The following NBPF8 variants were observed in gnomAD, a reference collection of about 807,000 sequenced individuals.
NBPF8 encodes NBPF member 8.
At chr1:120,450,225 AAAT>A (rs1262795958) in intron 11 of NBPF8, among the ~76,000 whole-genome samples, 11 of 151,968 alleles carry the variant, frequency 7.2e-5, no homozygotes, top group Admixed American at 2.6e-4. Flanking sequence ...AGACTGTTAA[AAAT>A]AATAATAATA....
At chr1:120,419,396 C>T (rs1212787700), upstream of NBPF8, among the ~76,000 whole-genome samples, 1 of 152,100 alleles carries the variant, frequency 6.6e-6, no homozygotes, top group Non-Finnish European at 1.5e-5. Context: ...AATTCCCTAA[C>T]AGAAAGAATC....
upstream of NBPF8, chr1:120,433,323 A>G (rs2101587843): frequency 6.5e-6 from 1 of 152,802 alleles, no homozygotes; most frequent in South Asian, 2.1e-4. Context: ...TTAAAACAGT[A>G]GTAATGGTGT....
chr1:120,450,745 T>G (rs1661243977), intron 11 of NBPF8, among the ~76,000 whole-genome samples: 2 of 152,174 alleles, frequency 1.3e-5, no homozygotes, highest in African/African-American at 4.8e-5. Flanking sequence ...TTCGCATACT[T>G]GTCCTTGAAA....
intron 15 of NBPF8, among the ~76,000 whole-genome samples, chr1:120,454,913 C>G (rs1661394806): frequency 6.8e-6 from 1 of 146,106 alleles, no homozygotes; most frequent in African/African-American, 2.6e-5. Flanking sequence ...CAGGGTTTCC[C>G]CATGTTGGCC....
At chr1:120,432,567 G>A (rs1362197662), upstream of NBPF8, 1 of 150,810 alleles carries the variant, frequency 6.6e-6, no homozygotes, top group African/African-American at 2.5e-5. Context: ...ACATGGTATA[G>A]CCACACGAAG....
intron 18 of NBPF8, among the ~76,000 whole-genome samples, chr1:120,460,850 C>T (rs200962655): frequency 0.2 from 30,560 of 151,020 alleles, 3,845 homozygotes; most frequent in East Asian, 0.67. Context: ...ACCTCAAAAG[C>T]TGTATTCTCA....
chr1:120,418,435 A>T (rs1398405343), upstream of NBPF8, among the ~76,000 whole-genome samples: 1 of 128,374 alleles, frequency 7.8e-6, no homozygotes, highest in African/African-American at 3.2e-5. Context: ...AGGTATACTT[A>T]ATTACCAGGA....
At chr1:120,450,380 C>A (rs1227711650) in intron 11 of NBPF8, among the ~76,000 whole-genome samples, 1 of 151,792 alleles carries the variant, frequency 6.6e-6, no homozygotes, top group Admixed American at 6.6e-5. Flanking sequence ...GTGCAGTGTA[C>A]AGAGCAGGGA....
At chr1:120,452,324 C>T in exon 13 of NBPF8, 1 of 1,430,150 alleles carries the variant, frequency 7.0e-7, no homozygotes, top group Non-Finnish European at 9.8e-7. Context: ...TCCAAAAGCT[C>T]AGCCCAGGTA....
intron 13 of NBPF8, among the ~76,000 whole-genome samples, 186 bp downstream of exon 11, chr1:120,452,517 T>C (rs1362950131): frequency 5.9e-5 from 9 of 151,918 alleles, no homozygotes; most frequent in African/African-American, 2.2e-4. Flanking sequence ...GAGGTCACAG[T>C]ATTGCAAGTG....
At chr1:120,464,519 A>C (rs1190003530) in exon 23 of NBPF8, 6 of 1,011,270 alleles carry the variant, frequency 5.9e-6, no homozygotes, top group Admixed American at 1.7e-5. Context: ...TTGGAGGAAA[A>C]ACATGTTGGC....
At chr1:120,418,345 G>T (rs1369645842), upstream of NBPF8, among the ~76,000 whole-genome samples, 4 of 71,844 alleles carry the variant, frequency 5.6e-5, no homozygotes, top group East Asian at 3.7e-4. Flanking sequence ...CTACAGTTTT[G>T]ACTCTTTATT....
chr1:120,468,014 A>C (rs1237790302), downstream of NBPF8, among the ~76,000 whole-genome samples: 1 of 151,654 alleles, frequency 6.6e-6, no homozygotes, highest in Non-Finnish European at 1.5e-5. Context: ...TGTATAGCTC[A>C]TGTTAAATAT....
upstream of NBPF8, among the ~76,000 whole-genome samples, chr1:120,435,856 ACT>A (rs1444189252): frequency 1.3e-5 from 2 of 150,328 alleles, no homozygotes; most frequent in East Asian, 1.9e-4. Flanking sequence ...ACAGAGTGAG[ACT>A]CTGTCTCAAA....
intron 15 of NBPF8, 145 bp from the exon 14 acceptor site, chr1:120,455,264 C>T: frequency 1.6e-6 from 1 of 625,302 alleles, no homozygotes; most frequent in Non-Finnish European, 2.8e-6. Context: ...CAAAGTTAAT[C>T]TAGGACAACC....
In NBPF8 at chr1:120,420,714, G is replaced by A. The variant is rs1358759994; in HGVS notation, n.269+596G>A. ...GAATCCTGTAGGACTTAGAATTTAT[G>A]GGCCACAGTGGAATTCTTGGTTCCC... is the stretch of plus-strand genomic sequence containing the variant. On this transcript the variant is annotated intron_variant and non_coding_transcript_variant, in intron 1 of 28. Coordinates refer to the NBPF8 transcript ENST00000652355. Among the ~76,000 whole-genome samples the A allele has an allele frequency of 2.8e-5, 4 of 144,872 alleles. No individual in the cohort carries two copies. In the East Asian group the frequency reaches 7.7e-4, roughly 28 times the overall value.
intron 20 of NBPF8, 73 bp downstream of exon 18, chr1:120,462,270 G>T (rs1459043391): frequency 5.7e-6 from 4 of 698,192 alleles, no homozygotes; most frequent in South Asian, 2.9e-5. Context: ...GAAAGCAAGA[G>T]TGTGTTCAAT....
At chr1:120,436,298 T>C (rs1553247734), upstream of NBPF8, 16,731 of 1,337,856 alleles carry the variant, frequency 0.013, 362 homozygotes, top group East Asian at 0.093. Context: ...CTGGCAGTGC[T>C]TTCAGCTCTG....
At chr1:120,468,048 T>G (rs1237306400), downstream of NBPF8, among the ~76,000 whole-genome samples, 2 of 151,450 alleles carry the variant, frequency 1.3e-5, no homozygotes, top group Admixed American at 1.3e-4. Flanking sequence ...TTTTTGATGG[T>G]TTTCCTCCCT....
Sources: allele counts gnomAD v4.1 joint callset (sites outside exome capture counted in the v4.1 genomes callset), GRCh38; gene constraint gnomAD v4.1.1; transcripts MANE v1.5; gene names NCBI Gene and HGNC (gene_info 2026-07-23, HGNC 2026-07-21).